Variants in NOX4 observed in about 807,000 individuals in gnomAD.
The protein encoded by NOX4 is NADPH oxidase 4.
In NOX4, 69 loss-of-function variants were observed where a neutral mutation model predicts 87.6. The ratio of observed to expected loss-of-function variants is 0.79; its 90% CI spans 0.65 to 0.96. The LOEUF (loss-of-function observed/expected upper bound fraction) is 0.96, where lower values mean the gene tolerates loss of function less well. Ranked by LOEUF, NOX4 falls within the 40% of genes least tolerant of loss-of-function variation. NOX4 has a pLI of 0.00. For synonymous variants in NOX4, 275 were observed against 238.2 expected (o/e 1.15, Z -1.42); for missense variants, 680 against 681.5 (o/e 1.00, Z 0.02).
chr11:89,449,181 A>G (rs1385972977), intron 4 of NOX4, among the ~76,000 whole-genome samples: 1 of 152,180 alleles, frequency 6.6e-6, no homozygotes, highest in Non-Finnish European at 1.5e-5. Flanking sequence ...AATGTACAGA[A>G]CAATAAAATC....
chr11:89,400,510 A>G, intron 9 of NOX4, 131 bp from the exon 10 acceptor site: 1 of 570,252 alleles, frequency 1.8e-6, no homozygotes, highest in Non-Finnish European at 2.8e-6. Context: ...AAAACATAAC[A>G]AATGAGTAAA....
chr11:89,429,328 A>G (rs1943642951), intron 7 of NOX4, among the ~76,000 whole-genome samples: 2 of 152,156 alleles, frequency 1.3e-5, no homozygotes, highest in Non-Finnish European at 2.9e-5. Flanking sequence ...ACACATTCAA[A>G]AGCTAGCAGA....
At chr11:89,445,366 GA>G (rs58269371) in intron 4 of NOX4, among the ~76,000 whole-genome samples, 5,515 of 151,952 alleles carry the variant, frequency 0.036, 305 homozygotes, top group African/African-American at 0.12. Context: ...CAAAAATAAT[GA>G]AAGTGAGAGA....
the NOX4 span, among the ~76,000 whole-genome samples, chr11:89,511,071 A>G: frequency 6.6e-6 from 1 of 152,126 alleles, no homozygotes; most frequent in Middle Eastern, 3.4e-3. Context: ...GTATGCTACC[A>G]TTGTTTCTTT....
intron 8 of NOX4, among the ~76,000 whole-genome samples, chr11:89,414,953 T>C (rs574969911): frequency 6.6e-6 from 1 of 152,132 alleles, no homozygotes; most frequent in East Asian, 1.9e-4. Context: ...GAGTACTTTC[T>C]AAATGACAAA....
intron 3 of NOX4, 118 bp downstream of exon 3, chr11:89,451,667 C>G (rs758823985): frequency 9.0e-5 from 61 of 675,458 alleles, no homozygotes; most frequent in Non-Finnish European, 1.4e-4. Flanking sequence ...CTTTTACCAT[C>G]ATCTTACAAG....
the NOX4 span, among the ~76,000 whole-genome samples, chr11:89,586,791 G>T: frequency 6.6e-6 from 1 of 152,098 alleles, no homozygotes; most frequent in Non-Finnish European, 1.5e-5. Flanking sequence ...AAATTTACCA[G>T]GTGGGAAAAT....
In NOX4 at chr11:89,365,753, C is replaced by CAAAAAAAA. The variant is rs1213376592; in HGVS notation, c.1135+7671_1135+7678dup. ...TTATCCAAGACCAAGACCACGCCCA[C>CAAAAAAAA]AAAAAAAAAAAAAAAAAAAAAAACA... On this transcript the variant is annotated intron_variant, in intron 12 of 17. Coordinates refer to ENST00000263317, the MANE Select transcript of NOX4 (RefSeq NM_016931.5). 3.6e-3 allele frequency among the ~76,000 whole-genome samples: 206 copies of CAAAAAAAA among 56,612 alleles called. 7 individuals carry two copies. Among genetic ancestry groups the CAAAAAAAA allele is most frequent in the African/African-American group, 0.013 (191 of 14,830 alleles). The allele number at this position is 56,612 out of a possible 152,430, so 37.1% of individuals were successfully genotyped here.
the NOX4 span, among the ~76,000 whole-genome samples, chr11:89,555,082 A>C: frequency 6.6e-6 from 1 of 152,146 alleles, no homozygotes; most frequent in Non-Finnish European, 1.5e-5. Flanking sequence ...GACTTATAAT[A>C]GTTTCCTGCC....
chr11:89,421,581 T>G (rs539710130), intron 8 of NOX4, among the ~76,000 whole-genome samples: 2 of 152,186 alleles, frequency 1.3e-5, no homozygotes, highest in African/African-American at 4.8e-5. Context: ...CTAAAATATA[T>G]TCCTGATGTT....
the NOX4 span, among the ~76,000 whole-genome samples, chr11:89,553,721 AG>A: frequency 5.3e-5 from 8 of 152,166 alleles, no homozygotes; most frequent in African/African-American, 1.9e-4. Flanking sequence ...ATAGCCAAGC[AG>A]ATACAGCCCA....
chr11:89,369,349 G>T (rs1479467050), intron 12 of NOX4, among the ~76,000 whole-genome samples: 2 of 151,992 alleles, frequency 1.3e-5, no homozygotes, highest in African/African-American at 4.8e-5. Context: ...ATGGCTAAGT[G>T]GCAGGAGATA....
chr11:89,511,597 T>A, the NOX4 span, among the ~76,000 whole-genome samples: 1 of 152,064 alleles, frequency 6.6e-6, no homozygotes, highest in Non-Finnish European at 1.5e-5. Flanking sequence ...AATAGAATCC[T>A]GATTACAAAT....
chr11:89,477,414 A>G (rs916448659), intron 2 of NOX4, among the ~76,000 whole-genome samples: 3 of 152,092 alleles, frequency 2.0e-5, no homozygotes, highest in African/African-American at 7.2e-5. Flanking sequence ...GTAAATACAG[A>G]TGAAGTTTTG....
chr11:89,526,978 C>T, the NOX4 span, among the ~76,000 whole-genome samples: 4 of 152,116 alleles, frequency 2.6e-5, no homozygotes, highest in South Asian at 6.2e-4. Flanking sequence ...TGTTGAATGG[C>T]TTTGACCAAA....
chr11:89,493,384 A>G (rs1946909152), upstream of NOX4, among the ~76,000 whole-genome samples: 2 of 143,142 alleles, frequency 1.4e-5, no homozygotes, highest in South Asian at 2.3e-4. Flanking sequence ...GCAAGACTCT[A>G]TCTCAAAAAA....
At chr11:89,374,929 C>G (rs1446593137) in intron 11 of NOX4, among the ~76,000 whole-genome samples, 1 of 151,906 alleles carries the variant, frequency 6.6e-6, no homozygotes, top group African/African-American at 2.4e-5. Flanking sequence ...TGTAGGGATG[C>G]TATAAGGAGA....
At chr11:89,559,934 C>T in the NOX4 span, among the ~76,000 whole-genome samples, 2 of 152,128 alleles carry the variant, frequency 1.3e-5, no homozygotes, top group Admixed American at 1.3e-4. Flanking sequence ...TGCTCTCCAT[C>T]TGCTATGGGT....
At chr11:89,461,240 A>T (rs947943627) in intron 2 of NOX4, among the ~76,000 whole-genome samples, 15 of 152,130 alleles carry the variant, frequency 9.9e-5, no homozygotes, top group Non-Finnish European at 1.5e-5. Flanking sequence ...GCACACCAAC[A>T]TGGCACATGT....
Sources: gnomAD v4.1 joint callset for allele counts (sites outside exome capture counted in the v4.1 genomes callset) on GRCh38, gnomAD v4.1.1 for gene constraint, MANE v1.5 for transcripts, NCBI Gene and HGNC (gene_info 2026-07-23, HGNC 2026-07-21) for gene names.